SLC22A24: variants seen among roughly 807,000 people sequenced by gnomAD.
SLC22A24 encodes the protein solute carrier family 22 member 24, also known as steroid transmembrane transporter SLC22A24.
SLC22A24 carries 53 observed loss-of-function variants against 49.8 expected under a neutral mutation model. The ratio of observed to expected loss-of-function variants is 1.06; its 90% CI spans 0.85 to 1.34. The LOEUF is 1.34. Ranked by LOEUF, SLC22A24 falls within the 40% of genes most tolerant of loss-of-function variation. The pLI is 0.00. For missense variants in SLC22A24, 786 were observed against 675.9 expected (o/e 1.16, Z -1.81); for synonymous variants, 302 against 256.4 (o/e 1.18, Z -1.70).
At chr11:63,136,613 G>A (rs574777500) in intron 1 of SLC22A24, among the ~76,000 whole-genome samples, 2 of 152,302 alleles carry the variant, frequency 1.3e-5, no homozygotes, top group South Asian at 2.1e-4. Context: ...TGCACAGCTG[G>A]CTCTGCATGA....
intron 2 of SLC22A24, among the ~76,000 whole-genome samples, chr11:63,123,826 T>C (rs11231375): frequency 0.8 from 121,029 of 152,136 alleles, 49,237 homozygotes; most frequent in East Asian, 0.9. Context: ...TCCCTTGATA[T>C]CCCTTTAATT....
chr11:63,096,080 C>T lies in SLC22A24; in HGVS notation c.981G>A (p.Glu327=), dbSNP rs1216549101. The part of the protein sequence containing the change: ...TELVRSTMKK[E]LDAVRIKTSI... ...ATGTTTTAATTCGGACTGCATCCAA[C>T]TCCTTCTTCATGGTGGATCTCACAA... Residue 327 remains glutamate, a synonymous_variant, in exon 6 of 10, where the codon GAG becomes GAA. Coordinates refer to ENST00000612278, the MANE Select transcript of SLC22A24 (RefSeq NM_001136506.2). The T allele has an allele frequency of 3.9e-6, 6 of 1,550,602 alleles. No homozygotes were observed. The highest frequency in any genetic ancestry group is 5.2e-6 in the Non-Finnish European group (6 of 1,146,268).
intron 4 of SLC22A24, among the ~76,000 whole-genome samples, chr11:63,105,395 T>C (rs35368334): frequency 1.1e-4 from 1 of 9,006 alleles, no homozygotes; most frequent in Non-Finnish European, 7.6e-4. Flanking sequence ...AGCAGAGGTT[T>C]TCATGAGGGT....
intron 2 of SLC22A24, among the ~76,000 whole-genome samples, chr11:63,123,074 A>C (rs2087263438): frequency 6.6e-6 from 1 of 152,144 alleles, no homozygotes; most frequent in Non-Finnish European, 1.5e-5. Context: ...TTGGAGGAGG[A>C]AGGAGAAGAG....
At chr11:63,097,356 A>G (rs2212993) in intron 5 of SLC22A24, among the ~76,000 whole-genome samples, 34,613 of 152,216 alleles carry the variant, frequency 0.23, 4,855 homozygotes, top group East Asian at 0.36. Flanking sequence ...AGAGAAATGC[A>G]AATCAAAACC....
intron 4 of SLC22A24, among the ~76,000 whole-genome samples, chr11:63,110,472 T>A (rs10897360): frequency 0.99 from 140,074 of 142,026 alleles, 69,113 homozygotes; most frequent in South Asian, 1. Context: ...GATTCTTCCT[T>A]CCCATGAGCA....
chr11:63,143,318 T>C, intron 1 of SLC22A24, 60 bp downstream of exon 1: 1 of 1,360,792 alleles, frequency 7.3e-7, no homozygotes, highest in Non-Finnish European at 9.6e-7. Context: ...AGTCAATTTT[T>C]TTGTGTTAAC....
At chr11:63,109,309 A>G (rs78108954) in intron 4 of SLC22A24, among the ~76,000 whole-genome samples, 134,016 of 140,040 alleles carry the variant, frequency 0.96, 64,373 homozygotes, top group East Asian at 1. Flanking sequence ...ATAAACATAC[A>G]TGTGCATGTG....
At chr11:63,103,924 T>C (rs1427540820) in intron 5 of SLC22A24, among the ~76,000 whole-genome samples, 1 of 152,220 alleles carries the variant, frequency 6.6e-6, no homozygotes, top group East Asian at 1.9e-4. Context: ...CTTTCCCCTA[T>C]ACGTCTAGGG....
At chr11:63,111,429 A>G (rs1376779372) in intron 4 of SLC22A24, among the ~76,000 whole-genome samples, 4 of 151,892 alleles carry the variant, frequency 2.6e-5, no homozygotes, top group Admixed American at 2.0e-4. Context: ...GAAAGGTACC[A>G]GTTCCTCCTT....
At chr11:63,094,089 C>T (rs995291984) in intron 6 of SLC22A24, among the ~76,000 whole-genome samples, 1 of 151,576 alleles carries the variant, frequency 6.6e-6, no homozygotes, top group South Asian at 2.1e-4. Context: ...GTGCTGCACT[C>T]ATTAGCTTAT....
intron 6 of SLC22A24, among the ~76,000 whole-genome samples, chr11:63,094,667 G>T (rs898432713): frequency 6.6e-6 from 1 of 151,986 alleles, no homozygotes; most frequent in Non-Finnish European, 1.5e-5. Context: ...TTTAATGATC[G>T]CCATTCTAAC....
chr11:63,109,460 C>T (rs1470975558), intron 4 of SLC22A24, among the ~76,000 whole-genome samples: 2 of 144,624 alleles, frequency 1.4e-5, no homozygotes, highest in Admixed American at 7.1e-5. Flanking sequence ...TACAGTCCCA[C>T]CAACAGTGTA....
At chr11:63,080,707 G>A (rs2086954251) in intron 9 of SLC22A24, among the ~76,000 whole-genome samples, 1 of 152,184 alleles carries the variant, frequency 6.6e-6, no homozygotes. Flanking sequence ...GGTGTGAAAT[G>A]GTCTGTGTGA....
intron 4 of SLC22A24, among the ~76,000 whole-genome samples, chr11:63,106,615 G>A (rs1295083231): frequency 3.3e-5 from 5 of 152,180 alleles, no homozygotes; most frequent in African/African-American, 1.2e-4. Context: ...TTTAATGATC[G>A]CCATTCTAAC....
In SLC22A24 at chr11:63,119,062, G is replaced by C. The variant is rs1023635972; in HGVS notation, c.680C>G (p.Pro227Arg). ...CATTATTGTCATAGATCGTGACCGGGGCAATGTCCACTCTAAGCCTGGAAG... is the reference window on the plus strand; with the variant it reads ...CATTATTGTCATAGATCGTGACCGGCGCAATGTCCACTCTAAGCCTGGAAG... ...TFILSLEWTL[P>R]RSRSMTIMVL... is the part of the protein sequence containing the mutation. The change falls in exon 4 of 10, where the codon CCC becomes CGC. Residue 227 changes from proline to arginine, a missense_variant. Pro to Arg is a moderately radical substitution (Grantham distance 103). Coordinates refer to ENST00000612278, the MANE Select transcript of SLC22A24 (RefSeq NM_001136506.2). 6.5e-7 allele frequency: 1 copy of C among 1,549,418 alleles called. No individual in the cohort carries two copies. Among genetic ancestry groups the C allele is most frequent in the African/African-American group, 1.4e-5 (1 of 72,936 alleles).
intron 6 of SLC22A24, among the ~76,000 whole-genome samples, chr11:63,095,275 G>A (rs1204835426): frequency 2.6e-5 from 4 of 151,960 alleles, no homozygotes; most frequent in African/African-American, 9.7e-5. Context: ...ATATACATGT[G>A]CCTTAAACCC....
intron 1 of SLC22A24, among the ~76,000 whole-genome samples, chr11:63,142,663 G>A (rs2087422655): frequency 6.6e-6 from 1 of 152,050 alleles, no homozygotes; most frequent in Non-Finnish European, 1.5e-5. Flanking sequence ...GAGATATTTT[G>A]CAGATCCCGC....
At chr11:63,113,011 CAAAAAAAAAAAAAA>C (rs869264212) in intron 4 of SLC22A24, among the ~76,000 whole-genome samples, 1 of 12,020 alleles carries the variant, frequency 8.3e-5, no homozygotes, top group African/African-American at 4.3e-4. Flanking sequence ...GACTCTGTCT[CAAAAAAAAAAAAAA>C]AAAAAAAAAA....
Sources: allele counts gnomAD v4.1 joint callset (sites outside exome capture counted in the v4.1 genomes callset), GRCh38; gene constraint gnomAD v4.1.1; transcripts MANE v1.5; gene names NCBI Gene and HGNC (gene_info 2026-07-23, HGNC 2026-07-21).